Variants in RASEF observed in about 807,000 individuals in gnomAD.
RASEF encodes the protein ras and EF-hand domain-containing protein.
In RASEF, 68 loss-of-function variants were observed where a neutral mutation model predicts 90.1. The ratio of observed to expected loss-of-function variants is 0.75; its 90% CI spans 0.62 to 0.92. RASEF has a LOEUF of 0.92. RASEF is among the 40% of genes least tolerant of loss of function. The probability of loss-of-function intolerance (pLI) is 0.00; values close to 1 mark genes in which losing one functional copy is unlikely to be tolerated. For synonymous variants in RASEF, 331 were observed against 345.2 expected, an observed-to-expected ratio of 0.96 and a Z score of 0.46; for missense variants, 949 against 937.2, an observed-to-expected ratio of 1.01 and a Z score of -0.16.
At chr9:83,116,400 C>T in the RASEF span, among the ~76,000 whole-genome samples, 1 of 152,072 alleles carries the variant, frequency 6.6e-6, no homozygotes, top group African/African-American at 2.4e-5. Context: ...GGTGTTTCCC[C>T]AAATTATTTC....
At chr9:83,126,308 T>TGAGAATGCA in the RASEF span, among the ~76,000 whole-genome samples, 1 of 152,130 alleles carries the variant, frequency 6.6e-6, no homozygotes, top group East Asian at 1.9e-4. Context: ...CTTTATCATG[T>TGAGAATGCA]GAGAATGCAG....
chr9:83,041,553 T>C (rs1486102006), intron 1 of RASEF, among the ~76,000 whole-genome samples: 2 of 152,180 alleles, frequency 1.3e-5, no homozygotes, highest in African/African-American at 4.8e-5. Context: ...ATCTCTAATT[T>C]GACATTTCAA....
chr9:83,206,551 C>A, the RASEF span, among the ~76,000 whole-genome samples: 1 of 152,304 alleles, frequency 6.6e-6, no homozygotes, highest in South Asian at 2.1e-4. Context: ...TTACTTTTAA[C>A]CAGCTAATGG....
intron 7 of RASEF, among the ~76,000 whole-genome samples, chr9:83,006,519 A>C (rs1000160887): frequency 6.6e-6 from 1 of 152,130 alleles, no homozygotes; most frequent in Admixed American, 6.5e-5. Flanking sequence ...AAAAAAAAAA[A>C]GGTCAAACCT....
chr9:83,091,466 C>A, the RASEF span, among the ~76,000 whole-genome samples: 74,703 of 151,930 alleles, frequency 0.49, 18,530 homozygotes, highest in East Asian at 0.68. Context: ...GAGGCAGGAG[C>A]AACACTGGGA....
intron 1 of RASEF, among the ~76,000 whole-genome samples, chr9:83,039,083 C>A (rs574402124): frequency 1.3e-5 from 2 of 152,190 alleles, no homozygotes; most frequent in East Asian, 3.9e-4. Context: ...TTCTTCCCTC[C>A]CTTTTCAAAG....
intron 1 of RASEF, among the ~76,000 whole-genome samples, chr9:83,038,403 CTGA>C (rs1384185376): frequency 1.3e-5 from 2 of 152,202 alleles, no homozygotes; most frequent in Non-Finnish European, 2.9e-5. Flanking sequence ...GAGTCAACTG[CTGA>C]TGTCAACAAT....
the RASEF span, among the ~76,000 whole-genome samples, chr9:83,154,891 C>A: frequency 6.6e-6 from 1 of 152,194 alleles, no homozygotes. Flanking sequence ...TATTTTCACT[C>A]CTACTTTAGA....
At chr9:83,183,862 G>A in the RASEF span, among the ~76,000 whole-genome samples, 1 of 152,178 alleles carries the variant, frequency 6.6e-6, no homozygotes, top group Non-Finnish European at 1.5e-5. Context: ...GAGGGCTTTG[G>A]TGGCCATTTG....
the RASEF span, among the ~76,000 whole-genome samples, chr9:83,074,041 T>C: frequency 6.6e-6 from 1 of 152,324 alleles, no homozygotes; most frequent in South Asian, 2.1e-4. Flanking sequence ...TTTATGTATA[T>C]TTTCAATATC....
chr9:83,090,643 A>T, the RASEF span, among the ~76,000 whole-genome samples: 1 of 152,114 alleles, frequency 6.6e-6, no homozygotes, highest in African/African-American at 2.4e-5. Context: ...ACCTCAGGTG[A>T]TCCGCCTCAG....
At chr9:83,067,989 GT>G (rs1564094425), upstream of RASEF, among the ~76,000 whole-genome samples, 1 of 152,042 alleles carries the variant, frequency 6.6e-6, no homozygotes, top group East Asian at 1.9e-4. Context: ...TGATCCTCCC[GT>G]CTCAGTCGCT....
At chr9:83,116,806 C>G in the RASEF span, among the ~76,000 whole-genome samples, 1 of 152,100 alleles carries the variant, frequency 6.6e-6, no homozygotes, top group Admixed American at 6.6e-5. Flanking sequence ...GGGGAAAAAT[C>G]ATTAATATGT....
At chr9:82,986,772 A>AG (rs1163292122) in intron 16 of RASEF, among the ~76,000 whole-genome samples, 1 of 152,224 alleles carries the variant, frequency 6.6e-6, no homozygotes, top group Non-Finnish European at 1.5e-5. Context: ...CTCCAATTTC[A>AG]GGCAGTTGAT....
chr9:82,993,136 A>G, intron 14 of RASEF, 111 bp from the exon 15 acceptor site: 1 of 1,065,622 alleles, frequency 9.4e-7, no homozygotes. Context: ...CCTTTGTGCC[A>G]AATCCTATAT....
chr9:83,164,804 T>C, the RASEF span, among the ~76,000 whole-genome samples: 4 of 151,876 alleles, frequency 2.6e-5, no homozygotes, highest in African/African-American at 7.2e-5. Flanking sequence ...ACTAAACAAA[T>C]GGAGAAAAAT....
intron 1 of RASEF, among the ~76,000 whole-genome samples, chr9:83,043,595 T>C (rs973098629): frequency 6.6e-5 from 10 of 152,224 alleles, no homozygotes; most frequent in Admixed American, 4.6e-4. Flanking sequence ...CATAAATGAC[T>C]GTATCCTCAA....
the RASEF span, among the ~76,000 whole-genome samples, chr9:83,093,798 T>C: frequency 9.6e-3 from 1,464 of 152,270 alleles, 29 homozygotes; most frequent in African/African-American, 0.033. Flanking sequence ...GCCGCCAAAG[T>C]GGGAGCCCAG....
At chr9:83,155,947 G>A in the RASEF span, among the ~76,000 whole-genome samples, 1 of 152,154 alleles carries the variant, frequency 6.6e-6, no homozygotes, top group African/African-American at 2.4e-5. Context: ...GCAGACTCAA[G>A]TTTCCATCCC....
Sources: allele counts gnomAD v4.1 joint callset (sites outside exome capture counted in the v4.1 genomes callset), GRCh38; gene constraint gnomAD v4.1.1; transcripts MANE v1.5; gene names NCBI Gene and HGNC (gene_info 2026-07-23, HGNC 2026-07-21).